The following EML5 variants were observed in gnomAD, a reference collection of about 807,000 sequenced individuals.
EML5 encodes the protein echinoderm microtubule-associated protein-like 5.
In EML5, 120 loss-of-function variants were observed where a neutral mutation model predicts 250.0. That is an observed-to-expected ratio of 0.48 (90% CI 0.41 to 0.56). EML5 has a LOEUF of 0.56. Ranked by LOEUF, EML5 falls within the 20% of genes least tolerant of loss-of-function variation. The pLI is 0.00. For synonymous variants in EML5, 771 were observed against 806.5 expected (o/e 0.96, Z 0.75); for missense variants, 2,006 against 2,437.6 (o/e 0.82, Z 3.73).
At chr14:88,772,147 C>T (rs2140618154) in intron 1 of EML5, among the ~76,000 whole-genome samples, 1 of 152,312 alleles carries the variant, frequency 6.6e-6, no homozygotes, top group Admixed American at 6.5e-5. Context: ...TAAATTTCAT[C>T]CTCACTACTT....
chr14:88,770,076 A>G (rs1303290910), intron 1 of EML5, among the ~76,000 whole-genome samples: 3 of 151,908 alleles, frequency 2.0e-5, no homozygotes, highest in Non-Finnish European at 4.4e-5. Flanking sequence ...AGAGGAGAGG[A>G]AAGAGCGCTT....
chr14:88,701,697 G>A (rs2093213018), intron 14 of EML5, among the ~76,000 whole-genome samples: 1 of 152,112 alleles, frequency 6.6e-6, no homozygotes, highest in South Asian at 2.1e-4. Flanking sequence ...TAGCTAGAAG[G>A]TATATTTACA....
chr14:88,707,332 T>C (rs1474252201), intron 10 of EML5, among the ~76,000 whole-genome samples: 2 of 151,824 alleles, frequency 1.3e-5, no homozygotes, highest in Non-Finnish European at 2.9e-5. Context: ...CTTGCTATGT[T>C]GCCCAGGCTG....
At chr14:88,773,124 T>C (rs2094411266) in intron 1 of EML5, among the ~76,000 whole-genome samples, 1 of 152,192 alleles carries the variant, frequency 6.6e-6, no homozygotes, top group Non-Finnish European at 1.5e-5. Flanking sequence ...CAGTTTACCT[T>C]TAAATTCAGC....
At chr14:88,732,136 T>C (rs1164634981) in intron 7 of EML5, among the ~76,000 whole-genome samples, 8 of 152,250 alleles carry the variant, frequency 5.3e-5, no homozygotes, top group African/African-American at 1.9e-4. Context: ...GTGAAGTCCT[T>C]GCCCATGCCT....
chr14:88,648,212 GC>G lies in EML5; in HGVS notation c.4020-1258del, dbSNP rs1437667563. Among the ~76,000 whole-genome samples, 19 of 152,126 alleles carry G rather than the reference GC, an allele frequency of 1.2e-4. No individual in the cohort carries two copies. The Middle Eastern group carries it at 0.01, about 82-fold the overall frequency. ...ACATGTCTAGAACAATCATTGTACA[GC>G]TTTGATGACAACTAATCATCTAAAC... On this transcript the variant is annotated intron_variant, in intron 28 of 43. Coordinates refer to ENST00000554922, the MANE Select transcript of EML5 (RefSeq NM_183387.3).
chr14:88,753,317 T>C (rs2140367451), intron 2 of EML5, among the ~76,000 whole-genome samples: 1 of 152,262 alleles, frequency 6.6e-6, no homozygotes. Context: ...AAGGGAACTC[T>C]CTCATCTCAC....
At chr14:88,766,220 C>G (rs1030197722) in intron 1 of EML5, among the ~76,000 whole-genome samples, 1 of 152,134 alleles carries the variant, frequency 6.6e-6, no homozygotes, top group South Asian at 2.1e-4. Flanking sequence ...GAAAAAAGAA[C>G]AGGATAACAG....
intron 1 of EML5, among the ~76,000 whole-genome samples, chr14:88,760,090 G>T (rs1264575634): frequency 6.6e-6 from 1 of 152,074 alleles, no homozygotes; most frequent in Admixed American, 6.6e-5. Context: ...TGTCCTACAT[G>T]GGACTTGCAA....
At chr14:88,688,501 A>G in intron 17 of EML5, 28 bp from the exon 18 acceptor site, 2 of 1,596,336 alleles carry the variant, frequency 1.3e-6, no homozygotes, top group Non-Finnish European at 8.6e-7. Flanking sequence ...TTATGAAAGT[A>G]CCACTTTCAA....
chr14:88,626,059 T>TC (rs1376968982), intron 35 of EML5: 1 of 152,172 alleles, frequency 6.6e-6, no homozygotes, highest in Non-Finnish European at 1.5e-5. Flanking sequence ...TCTCACTACC[T>TC]CCTTCTTCCC....
chr14:88,665,403 T>C lies in EML5; in HGVS notation c.3211A>G (p.Thr1071Ala), dbSNP rs1178485569. ...DGSFLMANAD[T>A]LEDLVSFHHR... ...TGAAAAGACACAAGATCCTCTAGAG[T>C]ATCCGCATTTGCCATTAAGAAGCTT... Residue 1071 changes from threonine to alanine, a missense_variant, in exon 22 of 44, where the codon ACT becomes GCT. Thr to Ala is a moderately conservative substitution (Grantham distance 58). Around this residue, in one of 7 missense-constraint regions of EML5, gnomAD observed 1,375 missense variants for 1,590.3 expected, o/e 0.86. Transcript: ENST00000554922. 1.2e-6 allele frequency: 2 copies of C among 1,613,860 alleles called. No homozygotes were observed. The highest frequency in any genetic ancestry group is 1.7e-6 in the Non-Finnish European group (2 of 1,179,852).
At chr14:88,768,482 C>T (rs2094348778) in intron 1 of EML5, among the ~76,000 whole-genome samples, 1 of 151,916 alleles carries the variant, frequency 6.6e-6, no homozygotes, top group African/African-American at 2.4e-5. Flanking sequence ...GCAATCTTGG[C>T]TCGCTGCAAC....
rs1214319490 is a variant in EML5 at position 88,621,197 on chromosome 14, C to G, written c.5118G>C (p.Trp1706Cys). The G allele has an allele frequency of 6.2e-7, 1 of 1,613,784 alleles. No individual in the cohort carries two copies. Among genetic ancestry groups the G allele is most frequent in the African/African-American group, 1.3e-5 (1 of 74,904 alleles). The change falls in exon 38 of 44, where the codon TGG becomes TGC. Residue 1706 changes from tryptophan to cysteine, a missense_variant. By Grantham distance (215) the Trp-to-Cys change is radical. This residue lies in a region of EML5 where 405 missense variants were observed against 523.3 expected (regional missense o/e 0.77). Coordinates refer to ENST00000554922, the MANE Select transcript of EML5 (RefSeq NM_183387.3). ...CCCTGGAAGGATGTGTTGCTAGTCC[C>G]CAGATTGGCCCATCCACATGACCGT... Reference protein sequence around the residue: ...LVNGHVDGPIWGLATHPSRDF... With the variant: ...LVNGHVDGPICGLATHPSRDF...
In EML5 at chr14:88,644,500, C is replaced by A; in HGVS notation, c.4040G>T (p.Ser1347Ile). The change falls in exon 30 of 44, where the codon AGC (serine) becomes ATC (isoleucine). Residue 1347 changes from serine to isoleucine, a missense_variant. Around this residue, in one of 7 missense-constraint regions of EML5, gnomAD observed 1,375 missense variants for 1,590.3 expected, o/e 0.86. Coordinates refer to ENST00000554922, the MANE Select transcript of EML5 (RefSeq NM_183387.3). ...GVVRGSRPPVSRAPPQPEKLQ... is the reference protein window; with the variant it reads ...GVVRGSRPPVIRAPPQPEKLQ... The stretch of plus-strand genomic sequence containing the variant: ...TTTCTCTGGCTGTGGTGGGGCCCTG[C>A]TCACTGGAGGCCTGCAACAGAGAAG... The A allele has an allele frequency of 6.2e-7, 1 of 1,613,702 alleles. No individual in the cohort carries two copies. Among genetic ancestry groups the A allele is most frequent in the Non-Finnish European group, 8.5e-7 (1 of 1,179,768 alleles).
At chr14:88,718,197 C>T (rs1462323392) in intron 8 of EML5, among the ~76,000 whole-genome samples, 1 of 152,110 alleles carries the variant, frequency 6.6e-6, no homozygotes, top group African/African-American at 2.4e-5. Flanking sequence ...TGCTGAGTTG[C>T]AGGTGCCTTT....
intron 30 of EML5, 136 bp from the exon 31 acceptor site, chr14:88,643,158 T>C (rs1181767443): frequency 7.1e-6 from 6 of 850,942 alleles, no homozygotes; most frequent in East Asian, 3.2e-5. Context: ...AAACTTAATA[T>C]ACAAAATTAA....
At position 88,760,983 on chromosome 14, in the gene EML5, C is replaced by T. The variant is rs545176026; in HGVS notation, c.198-6312G>A. On this transcript the variant is annotated intron_variant, in intron 1 of 43. Transcript: ENST00000554922. The stretch of plus-strand genomic sequence containing the variant: ...AGTAGGTAGAAATATAACTAATTTA[C>T]GTATGTTGACCTGGTATCCTGTGAC... Among the ~76,000 whole-genome samples, 41 of 152,052 alleles carry T rather than the reference C, an allele frequency of 2.7e-4. 1 individual carries two copies. The South Asian group carries it at 5.8e-3, about 22-fold the overall frequency.
chr14:88,638,736 T>C, intron 32 of EML5, 73 bp downstream of exon 32: 2 of 1,316,952 alleles, frequency 1.5e-6, no homozygotes, highest in Admixed American at 4.9e-5. Flanking sequence ...TTTTGATTTT[T>C]TCCTTGGATA....
Sources: allele counts gnomAD v4.1 joint callset (sites outside exome capture counted in the v4.1 genomes callset), GRCh38; gene constraint gnomAD v4.1.1; regional missense constraint gnomAD v4.1.1; transcripts MANE v1.5; gene names NCBI Gene and HGNC (gene_info 2026-07-23, HGNC 2026-07-21).